Variants in SNCAIP observed in about 807,000 individuals in gnomAD.
The protein encoded by SNCAIP is synuclein alpha interacting protein.
A neutral mutation model predicts 86.7 loss-of-function variants in SNCAIP; 43 were observed. The observed-to-expected ratio is 0.50, with a 90% CI of 0.39 to 0.64. The LOEUF (loss-of-function observed/expected upper bound fraction) is 0.64, where lower values mean the gene tolerates loss of function less well. SNCAIP is among the 30% of genes least tolerant of loss of function. SNCAIP has a pLI of 0.00. For synonymous variants in SNCAIP, 417 were observed against 427.2 expected, an observed-to-expected ratio of 0.98 and a Z score of 0.29; for missense variants, 981 against 1,103.1, an observed-to-expected ratio of 0.89 and a Z score of 1.57.
intron 1 of SNCAIP, among the ~76,000 whole-genome samples, chr5:122,377,690 T>G (rs1485691521): frequency 1.4e-5 from 1 of 72,432 alleles, no homozygotes; most frequent in African/African-American, 5.6e-5. Context: ...CCCTCCCCCC[T>G]CCCCCCACCC....
chr5:122,363,187 G>A (rs976316656), intron 1 of SNCAIP, among the ~76,000 whole-genome samples: 5 of 151,970 alleles, frequency 3.3e-5, no homozygotes, highest in South Asian at 2.1e-4. Context: ...GTAGAGATGG[G>A]ATTTCTCCAT....
chr5:122,344,689 G>T (rs1758251624), intron 1 of SNCAIP, among the ~76,000 whole-genome samples: 1 of 152,160 alleles, frequency 6.6e-6, no homozygotes, highest in African/African-American at 2.4e-5. Context: ...ATATTCCTTT[G>T]AATGCTGTTT....
chr5:122,442,298 A>G (rs145226075), intron 7 of SNCAIP, among the ~76,000 whole-genome samples: 6 of 152,014 alleles, frequency 3.9e-5, no homozygotes, highest in Admixed American at 3.3e-4. Context: ...TTGGGAAATG[A>G]CAGGAGAATA....
chr5:122,311,381 G>C (rs866872989), upstream of SNCAIP: 6 of 152,226 alleles, frequency 3.9e-5, no homozygotes, highest in South Asian at 8.3e-4. Flanking sequence ...GGCAGGCAAA[G>C]CCACCCTTGC....
chr5:122,362,964 G>A (rs574389228), intron 1 of SNCAIP, among the ~76,000 whole-genome samples: 2 of 150,972 alleles, frequency 1.3e-5, no homozygotes, highest in Non-Finnish European at 3.0e-5. Flanking sequence ...ACATTAGATT[G>A]AGTTTCCAGG....
chr5:122,400,988 C>T, intron 2 of SNCAIP: 1 of 1,549,452 alleles, frequency 6.5e-7, no homozygotes. Context: ...CACCCAAGGA[C>T]AATAGGAGTC....
At chr5:122,442,917 A>G (rs1781382736) in intron 7 of SNCAIP, among the ~76,000 whole-genome samples, 1 of 152,112 alleles carries the variant, frequency 6.6e-6, no homozygotes, top group Non-Finnish European at 1.5e-5. Flanking sequence ...TAAAGAAAAA[A>G]AAAGATAAGA....
At chr5:122,453,385 A>G (rs1561813233) in intron 10 of SNCAIP, among the ~76,000 whole-genome samples, 1 of 152,144 alleles carries the variant, frequency 6.6e-6, no homozygotes, top group Non-Finnish European at 1.5e-5. Flanking sequence ...CAGAGCTTTA[A>G]TTTTATTTCA....
At position 122,450,478 on chromosome 5, in the gene SNCAIP, G is replaced by C. The variant is rs536910720; in HGVS notation, c.1686-55G>C. The C allele has an allele frequency of 4.0e-4, 481 of 1,193,690 alleles. 7 individuals carry two copies. The South Asian group carries it at 4.9e-3, about 12-fold the overall frequency. The allele number at this position is 1,193,690 out of a possible 1,614,324, so 73.9% of individuals were successfully genotyped here. On this transcript the variant is annotated intron_variant, in intron 9 of 10. Coordinates refer to ENST00000261368, the MANE Select transcript of SNCAIP (RefSeq NM_005460.4). ...GTCAGTAAAGACCATGTAGTGACTT[G>C]AGTCATTTCAACCCAGTAGGAAATC...
Position 122,451,121 on chromosome 5 carries a change from C to A in SNCAIP, c.2274C>A (p.Asp758Glu). The change falls in exon 10 of 11, where the codon GAC (aspartate) becomes GAA (glutamate). Residue 758 changes from aspartate (D) to glutamate (E), a missense_variant. Coordinates refer to ENST00000261368, the MANE Select transcript of SNCAIP (RefSeq NM_005460.4). ...PSPTSESSEP[D>E]LESQYPGSGS... ...CCACCTCAGAGAGCAGCGAACCAGA[C>A]TTAGAATCCCAGTATCCAGGCTCAG... 1 of 1,614,174 alleles carries A rather than the reference C, an allele frequency of 6.2e-7. No individual in the cohort carries two copies. Among genetic ancestry groups the A allele is most frequent in the South Asian group, 1.1e-5 (1 of 91,084 alleles).
chr5:122,422,125 T>A (rs1260960026), intron 3 of SNCAIP, among the ~76,000 whole-genome samples: 3 of 151,996 alleles, frequency 2.0e-5, no homozygotes, highest in African/African-American at 4.8e-5. Flanking sequence ...CTAAAGAACA[T>A]GTTCTGTTGT....
intron 10 of SNCAIP, among the ~76,000 whole-genome samples, chr5:122,456,274 T>C (rs1784732256): frequency 1.3e-5 from 2 of 152,324 alleles, no homozygotes; most frequent in East Asian, 3.9e-4. Context: ...AACTTCATAC[T>C]GAGAGCCAAG....
chr5:122,424,783 G>T (rs1165946808), intron 4 of SNCAIP, among the ~76,000 whole-genome samples: 1 of 151,978 alleles, frequency 6.6e-6, no homozygotes, highest in African/African-American at 2.4e-5. Flanking sequence ...CATAGTCAAG[G>T]GACAAAAACT....
At chr5:122,384,493 G>A (rs192572935) in intron 1 of SNCAIP, among the ~76,000 whole-genome samples, 279 of 152,272 alleles carry the variant, frequency 1.8e-3, no homozygotes, top group African/African-American at 6.1e-3. Flanking sequence ...CCCTGGTTGC[G>A]TGAATTTGAG....
intron 1 of SNCAIP, among the ~76,000 whole-genome samples, chr5:122,353,044 T>C (rs1760198228): frequency 1.3e-5 from 2 of 152,210 alleles, no homozygotes; most frequent in Non-Finnish European, 2.9e-5. Context: ...TGGTTCTGCC[T>C]AGTACCTGAC....
intron 7 of SNCAIP, chr5:122,441,032 A>G: frequency 2.7e-6 from 1 of 371,000 alleles, no homozygotes; most frequent in South Asian, 3.1e-5. Flanking sequence ...TGAGGACAAT[A>G]GACATTAAAT....
intron 1 of SNCAIP, among the ~76,000 whole-genome samples, chr5:122,369,205 TGCCCTTCTCTCA>T (rs1174291738): frequency 1.3e-5 from 2 of 152,198 alleles, no homozygotes; most frequent in East Asian, 3.9e-4. Context: ...AAGGAGCAAA[TGCCCTTCTCTCA>T]GCCTGTGAAG....
chr5:122,374,324 C>T (rs1195837227), intron 1 of SNCAIP, among the ~76,000 whole-genome samples: 2 of 152,106 alleles, frequency 1.3e-5, no homozygotes, highest in African/African-American at 2.4e-5. Flanking sequence ...AGCTTTATTC[C>T]AGCTGTTCTT....
intron 1 of SNCAIP, among the ~76,000 whole-genome samples, chr5:122,351,611 A>G (rs1191859693): frequency 3.4e-5 from 5 of 147,802 alleles, no homozygotes; most frequent in Admixed American, 2.1e-4. Context: ...GGTTGTGTAC[A>G]TAGCATAGTC....
Sources: gnomAD v4.1 joint callset for allele counts (sites outside exome capture counted in the v4.1 genomes callset) on GRCh38, gnomAD v4.1.1 for gene constraint, MANE v1.5 for transcripts, NCBI Gene and HGNC (gene_info 2026-07-23, HGNC 2026-07-21) for gene names.